TMPRSS15: variants seen among roughly 807,000 people sequenced by gnomAD.
TMPRSS15 encodes enteropeptidase.
A neutral mutation model predicts 125.3 loss-of-function variants in TMPRSS15; 128 were observed. The observed-to-expected ratio is 1.02, with a 90% confidence interval of 0.89 to 1.18. TMPRSS15 has a LOEUF of 1.18. TMPRSS15 is among the 50% of genes most tolerant of loss of function. The pLI is 0.00. For missense variants in TMPRSS15, 1,283 were observed against 1,212.7 expected (o/e 1.06, Z -0.86); for synonymous variants, 446 against 423.2 (o/e 1.05, Z -0.66).
At chr21:18,379,216 G>T in intron 5 of TMPRSS15, 67 bp downstream of exon 5, 1 of 705,964 alleles carries the variant, frequency 1.4e-6, no homozygotes. Context: ...CTTCTCAGGG[G>T]CCTAAAATAA....
chr21:18,348,052 G>T (rs1467782788), intron 10 of TMPRSS15, among the ~76,000 whole-genome samples: 1 of 152,158 alleles, frequency 6.6e-6, no homozygotes, highest in African/African-American at 2.4e-5. Flanking sequence ...GGGTGTGGTA[G>T]AATGCACCTG....
rs769957633 is a variant in TMPRSS15 at position 18,294,326 on chromosome 21, G to T, written c.2430C>A (p.Cys810Ter). The T allele has an allele frequency of 3.1e-6, 5 of 1,614,238 alleles. No homozygotes were observed. The East Asian group carries it at 1.1e-4, about 36-fold the overall frequency. ...VGLYYGGRLL[C>*]GASLVSSDWL... ...AGTCACTGCTGACGAGAGATGCGCC[G>T]CAGAGCAGTCGGCCGCCATAATACA... is the stretch of plus-strand genomic sequence containing the variant. Residue 810 changes from cysteine to a stop codon, truncating the protein, a stop_gained, in exon 21 of 25, where the codon TGC (cysteine) becomes TGA (stop). Coordinates refer to ENST00000284885, the MANE Select transcript of TMPRSS15 (RefSeq NM_002772.3). LOFTEE classifies it high-confidence loss of function.
intron 1 of TMPRSS15, among the ~76,000 whole-genome samples, chr21:18,454,274 T>G (rs28515489): frequency 0.017 from 2,636 of 152,262 alleles, 65 homozygotes; most frequent in African/African-American, 0.06. Flanking sequence ...TGTGATATTC[T>G]TTTGTACACT....
rs550266884 is a variant in TMPRSS15, at chr21:18,294,547, T to C, written c.2311+56A>G. The C allele has an allele frequency of 2.3e-5, 37 of 1,602,594 alleles. No individual in the cohort carries two copies. In the East Asian group the frequency reaches 8.0e-4, roughly 35 times the overall value. On this transcript the variant is annotated intron_variant, in intron 20 of 24. Transcript: ENST00000284885. Reference sequence around the variant, plus strand: ...AATAACTTCAGGTGACATAAAACTCTATTCAGAATTTTAAACAGAATGCTT... The same window carrying C: ...AATAACTTCAGGTGACATAAAACTCCATTCAGAATTTTAAACAGAATGCTT...
intron 5 of TMPRSS15, among the ~76,000 whole-genome samples, chr21:18,377,200 G>A (rs1461626645): frequency 6.6e-6 from 1 of 152,120 alleles, no homozygotes; most frequent in Non-Finnish European, 1.5e-5. Context: ...AATAGTTTGA[G>A]AATTGATTAA....
intron 14 of TMPRSS15, among the ~76,000 whole-genome samples, chr21:18,329,991 A>G (rs1384781761): frequency 1.3e-5 from 2 of 152,164 alleles, no homozygotes; most frequent in Non-Finnish European, 2.9e-5. Context: ...TATTTACTGT[A>G]TATGGCTGTA....
intron 18 of TMPRSS15, among the ~76,000 whole-genome samples, chr21:18,309,469 C>A (rs781151166): frequency 5.2e-4 from 79 of 152,134 alleles, no homozygotes; most frequent in Admixed American, 1.4e-3. Flanking sequence ...AGTGAACAGG[C>A]AACCTACAGA....
intron 23 of TMPRSS15, among the ~76,000 whole-genome samples, chr21:18,277,344 A>T (rs2074634555): frequency 6.6e-6 from 1 of 152,206 alleles, no homozygotes; most frequent in Admixed American, 6.5e-5. Flanking sequence ...ACTTCCTATG[A>T]AATAAAGAGT....
Position 18,377,414 on chromosome 21 carries a change from A to G in TMPRSS15, c.532+1869T>C, listed in dbSNP as rs117419788. Reference sequence around the variant, plus strand: ...ATCAAACTCAGAAGGGGGAAGGAGTAGGGATCTAATATTGGCATTGTTCCT... The same window carrying G: ...ATCAAACTCAGAAGGGGGAAGGAGTGGGGATCTAATATTGGCATTGTTCCT... On this transcript the variant is annotated intron_variant, in intron 5 of 24. Transcript: ENST00000284885. 3.2e-3 allele frequency among the ~76,000 whole-genome samples: 481 copies of G among 152,170 alleles called. 1 individual carries two copies. The highest frequency in any genetic ancestry group is 5.5e-3 in the Non-Finnish European group (375 of 67,960).
chr21:18,408,508 T>G (rs1281646859), upstream of TMPRSS15, among the ~76,000 whole-genome samples: 1 of 152,168 alleles, frequency 6.6e-6, no homozygotes, highest in Non-Finnish European at 1.5e-5. Context: ...CAATGAACAC[T>G]CCTAGGATTG....
At chr21:18,342,416 C>A (rs1044990246) in intron 12 of TMPRSS15, among the ~76,000 whole-genome samples, 1 of 152,152 alleles carries the variant, frequency 6.6e-6, no homozygotes, top group African/African-American at 2.4e-5. Flanking sequence ...AATTAAATTT[C>A]AAGGAGACTA....
intron 8 of TMPRSS15, among the ~76,000 whole-genome samples, chr21:18,355,906 C>A (rs984888773): frequency 3.2e-4 from 49 of 151,768 alleles, no homozygotes; most frequent in African/African-American, 1.1e-3. Context: ...GGGCATATAT[C>A]ATGATGTGAG....
intron 10 of TMPRSS15, among the ~76,000 whole-genome samples, chr21:18,345,684 T>A (rs1190663734): frequency 8.4e-6 from 1 of 118,566 alleles, no homozygotes; most frequent in Non-Finnish European, 1.6e-5. Flanking sequence ...GAGCTTGCAG[T>A]GAGCCGAGGT....
rs1473847007 is a variant in TMPRSS15, at chr21:18,466,822, T to C, written c.10+18977A>G. Reference sequence around the variant, plus strand: ...GTACACAGTTGGTGAGAGTGTAAATTAGTTCAACCATTGTGGAAGACAGTC... The same window carrying C: ...GTACACAGTTGGTGAGAGTGTAAATCAGTTCAACCATTGTGGAAGACAGTC... On this transcript the variant is annotated intron_variant, in intron 1 of 7. Transcript: ENST00000422787. 2.0e-5 allele frequency among the ~76,000 whole-genome samples: 3 copies of C among 152,156 alleles called. No individual in the cohort carries two copies. In the East Asian group the frequency reaches 5.8e-4, roughly 29 times the overall value.
intron 4 of TMPRSS15, among the ~76,000 whole-genome samples, chr21:18,380,121 A>G (rs1569044475): frequency 6.6e-6 from 1 of 151,460 alleles, no homozygotes; most frequent in Non-Finnish European, 1.5e-5. Context: ...CAAGTGCCAT[A>G]GCTTCATCAC....
At chr21:18,432,739 C>G (rs898818859) in intron 1 of TMPRSS15, among the ~76,000 whole-genome samples, 1 of 152,120 alleles carries the variant, frequency 6.6e-6, no homozygotes, top group Non-Finnish European at 1.5e-5. Flanking sequence ...TTTCCAGCCT[C>G]AAGGACAAGG....
At chr21:18,367,747 G>A (rs1211332133) in intron 6 of TMPRSS15, among the ~76,000 whole-genome samples, 1 of 152,120 alleles carries the variant, frequency 6.6e-6, no homozygotes, top group African/African-American at 2.4e-5. Flanking sequence ...TATTATATAT[G>A]TATGAATGTA....
In TMPRSS15 at chr21:18,443,317, G is replaced by C. The variant is rs201596932; in HGVS notation, c.10+42482C>G. Among the ~76,000 whole-genome samples the C allele has an allele frequency of 2.6e-5, 4 of 152,272 alleles. No individual in the cohort carries two copies. In the East Asian group the frequency reaches 7.7e-4, roughly 29 times the overall value. On this transcript the variant is annotated intron_variant, in intron 1 of 7. Coordinates refer to the TMPRSS15 transcript ENST00000422787. ...GCTGGGATCAATTAAGGCAGCAGGG[G>C]ACACAGAAAGCAGGGAAGAGTGAAG...
At chr21:18,467,932 T>G (rs1015420471) in intron 1 of TMPRSS15, among the ~76,000 whole-genome samples, 10 of 152,024 alleles carry the variant, frequency 6.6e-5, no homozygotes, top group African/African-American at 1.9e-4. Flanking sequence ...TTAGTTTTAG[T>G]TTTTTAAAAC....
Sources: gnomAD v4.1 joint callset for allele counts (sites outside exome capture counted in the v4.1 genomes callset) on GRCh38, gnomAD v4.1.1 for gene constraint, MANE v1.5 for transcripts, NCBI Gene and HGNC (gene_info 2026-07-23, HGNC 2026-07-21) for gene names.